Variants in CRTAP observed in about 807,000 individuals in gnomAD.
The protein encoded by CRTAP is cartilage associated protein.
CRTAP carries 33 observed loss-of-function variants against 42.7 expected under a neutral mutation model. The observed-to-expected ratio is 0.77, with a 90% CI of 0.59 to 1.03. The LOEUF (loss-of-function observed/expected upper bound fraction) is 1.03. Among genes scored for constraint, CRTAP ranks in the 50% least tolerant of loss-of-function variants. The pLI, the probability that CRTAP is intolerant of heterozygous loss-of-function variation, is 0.00. For missense variants in CRTAP, 613 were observed against 533.9 expected (o/e 1.15, Z -1.46); for synonymous variants, 243 against 217.7 (o/e 1.12, Z -1.02).
At chr3:33,130,193 T>C (rs2030211928) in intron 4 of CRTAP, 126 bp downstream of exon 4, 1 of 950,264 alleles carries the variant, frequency 1.1e-6, no homozygotes, top group South Asian at 1.3e-5. Context: ...CCTGGTGCTA[T>C]GCTTTGCACA....
At chr3:33,116,660 C>T (rs1006958804) in intron 1 of CRTAP, among the ~76,000 whole-genome samples, 12 of 152,142 alleles carry the variant, frequency 7.9e-5, no homozygotes, top group African/African-American at 1.9e-4. Flanking sequence ...CCACCATGCC[C>T]GGCCACCATC....
At chr3:33,140,832 C>A (rs2125607140) in intron 6 of CRTAP, among the ~76,000 whole-genome samples, 1 of 152,308 alleles carries the variant, frequency 6.6e-6, no homozygotes, top group Non-Finnish European at 1.5e-5. Context: ...AGGAGCTCAA[C>A]AAATACGTGG....
At position 33,142,442 on chromosome 3, in the gene CRTAP, C is replaced by G. The variant is rs2030603318; in HGVS notation, c.1200C>G (p.Thr400=). 3.7e-6 allele frequency: 6 copies of G among 1,613,912 alleles called. No homozygotes were observed. The Admixed American group carries it at 8.3e-5, about 22-fold the overall frequency. Residue 400 remains threonine (T), a synonymous_variant, in exon 7 of 7, where the codon ACC becomes ACG. Coordinates refer to ENST00000320954, the MANE Select transcript of CRTAP (RefSeq NM_006371.5). ...YVDDLLELEE[T]S Reference sequence around the variant, plus strand: ...ATGACCTCTTGGAACTGGAGGAGACCAGCTAGCCCACAGCAACCAAAGAGA... The same window carrying G: ...ATGACCTCTTGGAACTGGAGGAGACGAGCTAGCCCACAGCAACCAAAGAGA...
chr3:33,130,212 GC>G (rs2030212322), intron 4 of CRTAP, 145 bp downstream of exon 4: 12 of 822,658 alleles, frequency 1.5e-5, no homozygotes, highest in Admixed American at 2.0e-5. Flanking sequence ...CAAAAAGGCA[GC>G]ATGGCTTAGT....
intron 2 of CRTAP, among the ~76,000 whole-genome samples, chr3:33,120,699 A>G (rs754617276): frequency 1.3e-5 from 2 of 152,234 alleles, no homozygotes; most frequent in African/African-American, 2.4e-5. Context: ...TTTAAAAGCC[A>G]TGTTCCCTTT....
Position 33,116,384 on chromosome 3 carries a change from A to G in CRTAP, c.471+1836A>G, listed in dbSNP as rs144782097. 5.3e-5 allele frequency among the ~76,000 whole-genome samples: 8 copies of G among 152,252 alleles called. No homozygotes were observed. The East Asian group carries it at 1.5e-3, about 29-fold the overall frequency. On this transcript the variant is annotated intron_variant, in intron 1 of 6. Coordinates refer to ENST00000320954, the MANE Select transcript of CRTAP (RefSeq NM_006371.5). ...TATCTATCTGTTTTTTTTGAGACAC[A>G]GTTTCACTTTGTCACCCAGACTGGA...
At chr3:33,130,608 C>G (rs562364617) in intron 4 of CRTAP, among the ~76,000 whole-genome samples, 7 of 124,794 alleles carry the variant, frequency 5.6e-5, no homozygotes, top group African/African-American at 2.1e-4. Context: ...TCTTGACTTA[C>G]TGCAACCTCC....
Position 33,140,414 on chromosome 3 carries a change from C to T in CRTAP, c.1153-1981C>T, listed in dbSNP as rs142489495. On this transcript the variant is annotated intron_variant, in intron 6 of 6. Transcript: ENST00000320954. ...ACTAATCCATCTCTAAAGAATGAAC[C>T]ATTTTCTTACTATATACCAAATTAT... 2.3e-3 allele frequency among the ~76,000 whole-genome samples: 349 copies of T among 152,244 alleles called. 1 individual carries two copies. Among genetic ancestry groups the T allele is most frequent in the African/African-American group, 8.0e-3 (331 of 41,538 alleles).
chr3:33,142,759 A>C lies in CRTAP; in HGVS notation c.*311A>C. The stretch of plus-strand genomic sequence containing the variant: ...AACCTCCGCCTCTTGGGTTCAAGCA[A>C]TTCTGCTGCATCAGCCTCCCGAGTA... On this transcript the variant is annotated 3_prime_UTR_variant, in exon 7 of 7. Coordinates refer to ENST00000320954, the MANE Select transcript of CRTAP (RefSeq NM_006371.5). The C allele has an allele frequency of 3.3e-6, 1 of 300,570 alleles. No homozygotes were observed. Among genetic ancestry groups the C allele is most frequent in the Non-Finnish European group, 6.5e-6 (1 of 154,764 alleles). 18.6% of individuals were successfully genotyped at this position (300,570 alleles called of 1,614,324 possible). A position where few individuals can be genotyped will look rare whatever the true frequency, so the allele number is the denominator to read the frequency against.
In CRTAP at chr3:33,145,863, A is replaced by C. The variant is rs1318126924; in HGVS notation, c.*3415A>C. ...TGGGGGGTCCTCGTTCACTCTCTGA[A>C]GTTGGCCTCCTTTCACTGGGGATTG... On this transcript the variant is annotated 3_prime_UTR_variant, in exon 7 of 7. Transcript: ENST00000320954. The surrounding 1 kb of genome is among the most constrained non-coding windows in gnomAD (Gnocchi z 4.3). 6.6e-6 allele frequency: 1 copy of C among 152,450 alleles called. No homozygotes were observed. Among genetic ancestry groups the C allele is most frequent in the Admixed American group, 6.6e-5 (1 of 15,264 alleles). 9.4% of individuals were successfully genotyped at this position (152,450 alleles called of 1,614,324 possible).
intron 3 of CRTAP, among the ~76,000 whole-genome samples, chr3:33,128,538 A>G (rs2030144767): frequency 6.6e-6 from 1 of 152,146 alleles, no homozygotes; most frequent in Non-Finnish European, 1.5e-5. Flanking sequence ...ACGTCAAGAT[A>G]TGTATGATGT....
chr3:33,136,776 A>G (rs773932040), intron 6 of CRTAP, among the ~76,000 whole-genome samples: 1 of 152,182 alleles, frequency 6.6e-6, no homozygotes, highest in Non-Finnish European at 1.5e-5. Context: ...ACTTATTATC[A>G]TGAGGACAGC....
intron 6 of CRTAP, among the ~76,000 whole-genome samples, chr3:33,140,328 G>A (rs183220533): frequency 1.3e-5 from 2 of 152,326 alleles, no homozygotes; most frequent in East Asian, 3.8e-4. Context: ...AAGATAAAAG[G>A]ACTTTGTTGA....
At chr3:33,114,679 T>C (rs2125596287) in intron 1 of CRTAP, 131 bp downstream of exon 1, 1 of 800,558 alleles carries the variant, frequency 1.2e-6, no homozygotes, top group Non-Finnish European at 2.0e-6. Context: ...CATCCAGCCC[T>C]GCCAAAGGTC....
In CRTAP at chr3:33,129,691, C is replaced by T. The variant is rs148900460; in HGVS notation, c.794-248C>T. Among the ~76,000 whole-genome samples, 73 of 151,856 alleles carry T rather than the reference C, an allele frequency of 4.8e-4. 1 individual carries two copies. The East Asian group carries it at 0.012, about 26-fold the overall frequency. ...TAGCTGGGACCACAGGCGCCCACCA[C>T]GACGCCCAGCTAATTTTTTGTATTT... is the stretch of plus-strand genomic sequence containing the variant. On this transcript the variant is annotated intron_variant, in intron 3 of 6. Coordinates refer to ENST00000320954, the MANE Select transcript of CRTAP (RefSeq NM_006371.5).
chr3:33,114,106 C>T lies in CRTAP; in HGVS notation c.29C>T (p.Ala10Val), dbSNP rs769955892. ...GAGCCGGGGCGCCGGGGGGCCGCGG[C>T]GCTGCTAGCGCTGCTGTGCGTGGCC... MEPGRRGAAALLALLCVACA... is the reference protein window; with the variant it reads MEPGRRGAAVLLALLCVACA... The change falls in exon 1 of 7, where the codon GCG (alanine) becomes GTG (valine). Residue 10 changes from alanine to valine, a missense_variant. Coordinates refer to ENST00000320954, the MANE Select transcript of CRTAP (RefSeq NM_006371.5). 4.1e-6 allele frequency: 6 copies of T among 1,479,768 alleles called. No homozygotes were observed. Among genetic ancestry groups the T allele is most frequent in the Admixed American group, 2.5e-5 (1 of 40,534 alleles). The allele number at this position is 1,479,768 out of a possible 1,614,324, so 91.7% of individuals were successfully genotyped here. A position where few individuals can be genotyped will look rare whatever the true frequency, so the allele number is the denominator to read the frequency against.
chr3:33,114,656 C>G, intron 1 of CRTAP, 108 bp downstream of exon 1: 1 of 1,023,516 alleles, frequency 9.8e-7, no homozygotes, highest in Non-Finnish European at 1.4e-6. Flanking sequence ...CAGTTCTAGA[C>G]CTGGCTCCCT....
chr3:33,120,087 G>A lies in CRTAP; in HGVS notation c.472-257G>A, dbSNP rs115477635. ...CTGTTGTTATAGTCCACACAGGCCAGCCTCCTGGGGCATGTAGCCAGTGCA... is the reference window on the plus strand; with the variant it reads ...CTGTTGTTATAGTCCACACAGGCCAACCTCCTGGGGCATGTAGCCAGTGCA... On this transcript the variant is annotated intron_variant, in intron 1 of 6. Coordinates refer to ENST00000320954, the MANE Select transcript of CRTAP (RefSeq NM_006371.5). Among the ~76,000 whole-genome samples, 1,904 of 152,304 alleles carry A rather than the reference G, an allele frequency of 0.013. 36 individuals are homozygous for A. Among genetic ancestry groups the A allele is most frequent in the African/African-American group, 0.042 (1,753 of 41,542 alleles).
In CRTAP at chr3:33,132,640, G is replaced by A. The variant is rs969841258; in HGVS notation, c.1008G>A (p.Val336=). Residue 336 remains valine, a synonymous_variant, in exon 5 of 7, where the codon GTG becomes GTA. Coordinates refer to ENST00000320954, the MANE Select transcript of CRTAP (RefSeq NM_006371.5). ...QNDKVMQQNL[V]YYQYHRDTWG... ...ACAAGGTCATGCAGCAGAACCTGGT[G>A]TATTACCAGTACCACAGGGACACTT... 15 of 1,614,056 alleles carry A rather than the reference G, an allele frequency of 9.3e-6. No homozygotes were observed. The East Asian group carries it at 1.3e-4, about 14-fold the overall frequency.
Sources: gnomAD v4.1 joint callset for allele counts (sites outside exome capture counted in the v4.1 genomes callset) on GRCh38, gnomAD v4.1.1 for gene constraint, Gnocchi (gnomAD v3.1) non-coding constraint, MANE v1.5 for transcripts, NCBI Gene and HGNC (gene_info 2026-07-23, HGNC 2026-07-21) for gene names.